CNTN5: variants seen among roughly 807,000 people sequenced by gnomAD.
The protein encoded by CNTN5 is contactin 5, also known as contactin-5.
A neutral mutation model predicts 129.1 loss-of-function variants in CNTN5; 77 were observed. The observed-to-expected ratio is 0.60, with a 90% CI of 0.50 to 0.72. The LOEUF is 0.72. CNTN5 is among the 30% of genes least tolerant of loss of function. CNTN5 has a pLI of 0.00. For missense variants in CNTN5, 1,478 were observed against 1,328.8 expected (o/e 1.11, Z -1.75); for synonymous variants, 509 against 465.6 (o/e 1.09, Z -1.20).
chr11:100,076,555 G>A (rs1407707130), intron 13 of CNTN5, among the ~76,000 whole-genome samples: 3 of 151,910 alleles, frequency 2.0e-5, no homozygotes, highest in Non-Finnish European at 4.4e-5. Context: ...TTTCTTTACT[G>A]CTAACCCTTG....
At chr11:99,501,497 A>T (rs1349908103) in intron 2 of CNTN5, among the ~76,000 whole-genome samples, 3 of 152,244 alleles carry the variant, frequency 2.0e-5, no homozygotes, top group Non-Finnish European at 2.9e-5. Flanking sequence ...TGCATCCTTC[A>T]AGAAACCACT....
chr11:99,812,100 T>A (rs1439623158), intron 3 of CNTN5, among the ~76,000 whole-genome samples: 2 of 152,142 alleles, frequency 1.3e-5, no homozygotes, highest in African/African-American at 2.4e-5. Context: ...CACACTGAGT[T>A]CTTCCTTTCA....
chr11:100,074,669 CAT>C (rs1050982033), intron 13 of CNTN5, among the ~76,000 whole-genome samples: 6 of 152,132 alleles, frequency 3.9e-5, no homozygotes, highest in Admixed American at 2.0e-4. Context: ...ATGATAAAAA[CAT>C]ATGTGAATCT....
At chr11:99,309,748 G>T (rs1243547069) in intron 1 of CNTN5, among the ~76,000 whole-genome samples, 2 of 152,026 alleles carry the variant, frequency 1.3e-5, no homozygotes, top group African/African-American at 4.8e-5. Context: ...CCCTACGATG[G>T]TTGCCCAATG....
chr11:99,927,019 TTAA>T (rs1186612927), intron 7 of CNTN5, among the ~76,000 whole-genome samples: 1 of 152,186 alleles, frequency 6.6e-6, no homozygotes, highest in Non-Finnish European at 1.5e-5. Flanking sequence ...GAGACTAATT[TTAA>T]AAGTAATCAA....
chr11:99,187,948 T>C (rs2135583324), intron 1 of CNTN5, among the ~76,000 whole-genome samples: 1 of 152,016 alleles, frequency 6.6e-6, no homozygotes, highest in South Asian at 2.1e-4. Flanking sequence ...TTCCTTCCAG[T>C]GGTTACTATT....
chr11:99,251,979 T>G (rs1862130943), intron 1 of CNTN5, among the ~76,000 whole-genome samples: 1 of 152,012 alleles, frequency 6.6e-6, no homozygotes, highest in Non-Finnish European at 1.5e-5. Context: ...TATGTAACTT[T>G]GATTTACATT....
chr11:100,063,115 T>C (rs1466640899), intron 10 of CNTN5, among the ~76,000 whole-genome samples: 2 of 152,120 alleles, frequency 1.3e-5, no homozygotes, highest in Admixed American at 1.3e-4. Flanking sequence ...GGCCCACACC[T>C]AAATAGAATT....
chr11:99,508,837 A>G lies in CNTN5; in HGVS notation c.-70-47308A>G, dbSNP rs1440070666. 2.6e-5 allele frequency among the ~76,000 whole-genome samples: 4 copies of G among 152,056 alleles called. No individual in the cohort carries two copies. The East Asian group carries it at 7.8e-4, about 30-fold the overall frequency. ...GCTGGGATTACAGGCATGCGCCACAATGCCCGGCTAATTTTTTATTTTTAG... is the reference window on the plus strand; with the variant it reads ...GCTGGGATTACAGGCATGCGCCACAGTGCCCGGCTAATTTTTTATTTTTAG... On this transcript the variant is annotated intron_variant, in intron 2 of 24. Transcript: ENST00000524871.
chr11:100,011,654 T>A (rs1218139887), intron 9 of CNTN5, among the ~76,000 whole-genome samples: 2 of 152,142 alleles, frequency 1.3e-5, no homozygotes, highest in Non-Finnish European at 2.9e-5. Flanking sequence ...TATCTCTCTT[T>A]CAGATACCAT....
At chr11:99,285,790 C>T (rs949044406) in intron 1 of CNTN5, among the ~76,000 whole-genome samples, 2 of 152,018 alleles carry the variant, frequency 1.3e-5, no homozygotes, top group African/African-American at 2.4e-5. Context: ...GTAATCCCAG[C>T]ACTTTGGGAG....
intron 1 of CNTN5, among the ~76,000 whole-genome samples, chr11:99,285,581 A>G (rs1863897619): frequency 6.8e-6 from 1 of 146,122 alleles, no homozygotes; most frequent in South Asian, 2.2e-4. Context: ...GGAGAAGAAC[A>G]TTCAAGTTAA....
At chr11:100,007,677 GT>G (rs1565782893) in intron 9 of CNTN5, among the ~76,000 whole-genome samples, 1 of 151,832 alleles carries the variant, frequency 6.6e-6, no homozygotes, top group African/African-American at 2.4e-5. Context: ...GTTGTGGCTG[GT>G]TTGATCTACC....
chr11:99,702,340 A>G (rs1954558498), intron 3 of CNTN5, among the ~76,000 whole-genome samples: 2 of 150,966 alleles, frequency 1.3e-5, no homozygotes, highest in African/African-American at 4.8e-5. Context: ...CTTGTCACCA[A>G]CCGAACACAC....
chr11:99,705,256 TTTC>T (rs1489791175), intron 3 of CNTN5, among the ~76,000 whole-genome samples: 2 of 151,332 alleles, frequency 1.3e-5, no homozygotes, highest in African/African-American at 2.4e-5. Flanking sequence ...TTTACAGAGA[TTTC>T]TTCAAGGCCT....
intron 3 of CNTN5, among the ~76,000 whole-genome samples, chr11:99,731,527 A>G (rs1943534457): frequency 6.6e-6 from 1 of 152,172 alleles, no homozygotes; most frequent in South Asian, 2.1e-4. Context: ...GCCCTTATTT[A>G]GAGACTCAAA....
chr11:100,085,442 A>G (rs975610678), intron 13 of CNTN5, among the ~76,000 whole-genome samples: 2 of 152,048 alleles, frequency 1.3e-5, no homozygotes, highest in African/African-American at 2.4e-5. Flanking sequence ...ATTCAATTCA[A>G]TTTATTTCCA....
chr11:100,252,115 G>A (rs1023947318), intron 16 of CNTN5, among the ~76,000 whole-genome samples: 4 of 152,094 alleles, frequency 2.6e-5, no homozygotes, highest in African/African-American at 7.2e-5. Flanking sequence ...CGTCCTAACT[G>A]GGGTGAGATG....
intron 1 of CNTN5, among the ~76,000 whole-genome samples, chr11:99,294,411 A>G (rs1864298017): frequency 6.6e-6 from 1 of 152,224 alleles, no homozygotes; most frequent in Admixed American, 6.5e-5. Flanking sequence ...AAGCAATCCC[A>G]TTTACAATGA....
Sources: allele counts gnomAD v4.1 joint callset (sites outside exome capture counted in the v4.1 genomes callset), GRCh38; gene constraint gnomAD v4.1.1; transcripts MANE v1.5; gene names NCBI Gene and HGNC (gene_info 2026-07-23, HGNC 2026-07-21).